The following NTRK2 variants were observed in gnomAD, a reference collection of about 807,000 sequenced individuals.
The protein encoded by NTRK2 is BDNF/NT-3 growth factors receptor.
A neutral mutation model predicts 94.5 loss-of-function variants in NTRK2; 13 were observed. That is an observed-to-expected ratio of 0.14 (90% CI 0.09 to 0.22). NTRK2 has a LOEUF of 0.22. Ranked by LOEUF, NTRK2 falls within the 10% of genes least tolerant of loss-of-function variation. The pLI is 1.00. For missense variants in NTRK2, 639 were observed against 1,071.2 expected (o/e 0.60, Z 5.63); for synonymous variants, 372 against 407.4 (o/e 0.91, Z 1.05).
intron 12 of NTRK2, among the ~76,000 whole-genome samples, chr9:84,793,429 T>C (rs764965961): frequency 1.4e-4 from 21 of 152,276 alleles, no homozygotes; most frequent in Admixed American, 6.5e-4. Flanking sequence ...AGCACTACTA[T>C]GTCTGCACTG....
At chr9:84,695,140 G>A (rs117104508) in intron 2 of NTRK2, among the ~76,000 whole-genome samples, 5,498 of 151,924 alleles carry the variant, frequency 0.036, 134 homozygotes, top group Non-Finnish European at 0.057. Flanking sequence ...TATAAGGAGG[G>A]AGGATGGGGT....
intron 14 of NTRK2, chr9:84,875,478 C>G: frequency 9.4e-7 from 1 of 1,063,054 alleles, no homozygotes; most frequent in Non-Finnish European, 1.1e-6. Flanking sequence ...CTCCAGATAA[C>G]TCCAAATGCA....
chr9:84,890,993 C>T (rs1346744573), intron 14 of NTRK2, among the ~76,000 whole-genome samples: 1 of 152,224 alleles, frequency 6.6e-6, no homozygotes, highest in East Asian at 1.9e-4. Context: ...TGACAAACCA[C>T]CCCACCATTA....
chr9:84,867,420 A>T lies in NTRK2; in HGVS notation c.1622A>T (p.Lys541Met), dbSNP rs2132061109. 1.2e-6 allele frequency: 2 copies of T among 1,613,630 alleles called. No homozygotes were observed. The highest frequency in any genetic ancestry group is 1.7e-6 in the Non-Finnish European group (2 of 1,179,528). Residue 541 changes from lysine to methionine, a missense_variant, in exon 14 of 19, where the codon AAG becomes ATG. Lys to Met is a moderately conservative substitution (Grantham distance 95). Coordinates refer to ENST00000277120, the MANE Select transcript of NTRK2 (RefSeq NM_006180.6). ...TTTGGCATCACCAACAGTCAGCTCA[A>T]GCCAGACACATGTAAGTACAGCTGT... ...QYFGITNSQLKPDTFVQHIKR... is the reference protein window; with the variant it reads ...QYFGITNSQLMPDTFVQHIKR...
chr9:84,811,594 G>A (rs888228336), intron 12 of NTRK2: 1 of 1,065,390 alleles, frequency 9.4e-7, no homozygotes, highest in African/African-American at 1.6e-5. Context: ...CTGGCCTGCT[G>A]TGAGCAGGAG....
In NTRK2 at chr9:84,727,884, A is replaced by G. The variant is rs761378488; in HGVS notation, c.1084A>G (p.Ile362Val). Residue 362 changes from isoleucine (I) to valine (V), a missense_variant, in exon 9 of 19, where the codon ATA becomes GTA. This residue lies in a region of NTRK2 where 343 missense variants were observed against 571.5 expected (regional missense o/e 0.60). Coordinates refer to ENST00000277120, the MANE Select transcript of NTRK2 (RefSeq NM_006180.6). The stretch of plus-strand genomic sequence containing the variant: ...CATGAACAATGGGGACTACACTCTA[A>G]TAGCCAAGAATGAGTATGGGAAGGA... ...THMNNGDYTL[I>V]AKNEYGKDEK... 1.2e-6 allele frequency: 2 copies of G among 1,614,186 alleles called. No homozygotes were observed. Among genetic ancestry groups the G allele is most frequent in the Admixed American group, 1.7e-5 (1 of 60,028 alleles).
chr9:84,757,249 C>A (rs1353483635), intron 12 of NTRK2, among the ~76,000 whole-genome samples: 2 of 151,996 alleles, frequency 1.3e-5, no homozygotes, highest in Non-Finnish European at 2.9e-5. Flanking sequence ...TTAGAAATAC[C>A]TAAACATAAA....
At chr9:84,792,851 T>C (rs146056297) in intron 12 of NTRK2, among the ~76,000 whole-genome samples, 2,836 of 152,292 alleles carry the variant, frequency 0.019, 40 homozygotes, top group Middle Eastern at 0.034. Context: ...GGACCTCAAT[T>C]TTCTCTAGTC....
chr9:84,779,033 G>A (rs1489770474), intron 12 of NTRK2, among the ~76,000 whole-genome samples: 1 of 152,126 alleles, frequency 6.6e-6, no homozygotes, highest in Non-Finnish European at 1.5e-5. Context: ...ATGCAGATTT[G>A]AGTGCCTCCT....
intron 12 of NTRK2, chr9:84,811,127 A>G: frequency 1.9e-6 from 2 of 1,067,126 alleles, no homozygotes; most frequent in Non-Finnish European, 2.3e-6. Flanking sequence ...CACAGTGACT[A>G]AAAGAGTTAA....
intron 17 of NTRK2, among the ~76,000 whole-genome samples, chr9:84,960,049 C>T (rs1350491022): frequency 6.6e-6 from 1 of 152,106 alleles, no homozygotes; most frequent in Non-Finnish European, 1.5e-5. Flanking sequence ...AATTTATCTT[C>T]CACTTAAGAA....
chr9:84,697,330 G>T (rs904898919), intron 2 of NTRK2, among the ~76,000 whole-genome samples: 2 of 152,188 alleles, frequency 1.3e-5, no homozygotes, highest in Non-Finnish European at 2.9e-5. Context: ...AAGCCCCTGG[G>T]CCTAAGCTTT....
chr9:84,748,557 G>T (rs1372806605), intron 11 of NTRK2, among the ~76,000 whole-genome samples: 1 of 152,214 alleles, frequency 6.6e-6, no homozygotes, highest in Non-Finnish European at 1.5e-5. Context: ...TGAACGCAGG[G>T]ATCTAGGACT....
rs200996090 is a variant in NTRK2, at chr9:84,727,956, G to A, written c.1156G>A (p.Asp386Asn). The change falls in exon 9 of 19, where the codon GAT (aspartate) becomes AAT (asparagine). Residue 386 changes from aspartate to asparagine, a missense_variant. Asp to Asn is a conservative substitution (Grantham distance 23). This residue lies in a region of NTRK2 where 343 missense variants were observed against 571.5 expected (regional missense o/e 0.60). Transcript: ENST00000277120. Reference sequence around the variant, plus strand: ...CTTCATGGGCTGGCCTGGAATTGACGATGGTGAGTAACTGACACTTTTGTA... The same window carrying A: ...CTTCATGGGCTGGCCTGGAATTGACAATGGTGAGTAACTGACACTTTTGTA... The part of the protein sequence containing the change: ...AHFMGWPGID[D>N]GANPNYPDVI... 59 of 1,613,676 alleles carry A rather than the reference G, an allele frequency of 3.7e-5. 2 individuals carry two copies. The highest frequency in any genetic ancestry group is 2.1e-4 in the South Asian group (19 of 91,062).
In NTRK2 at chr9:84,731,499, G is replaced by T. The variant is rs76423850; in HGVS notation, c.1159+3540G>T. 2.3e-3 allele frequency among the ~76,000 whole-genome samples: 345 copies of T among 152,226 alleles called. 2 individuals are homozygous for T. The highest frequency in any genetic ancestry group is 7.5e-3 in the African/African-American group (311 of 41,542). On this transcript the variant is annotated intron_variant, in intron 9 of 18. Transcript: ENST00000277120. ...AAGATTTCCATGGGATGGTCATTTT[G>T]CTTAGGAACTTGTTTTTGAAAAGAG...
In NTRK2 at chr9:84,867,349, CATT is replaced by C; in HGVS notation, c.1555_1557del (p.Ile519del). 6.2e-7 allele frequency: 1 copy of C among 1,614,012 alleles called. No individual in the cohort carries two copies. The highest frequency in any genetic ancestry group is 8.5e-7 in the Non-Finnish European group (1 of 1,179,914). ...CTTCGGAAGGTGGCCCAGATGCTGT[CATT>C]ATTGGAATGACCAAGATCCCTGTCA... On this transcript the variant is annotated inframe_deletion, in exon 14 of 19. Coordinates refer to ENST00000277120, the MANE Select transcript of NTRK2 (RefSeq NM_006180.6).
At chr9:84,748,062 C>A (rs1173329687) in intron 11 of NTRK2, among the ~76,000 whole-genome samples, 1 of 152,166 alleles carries the variant, frequency 6.6e-6, no homozygotes, top group Non-Finnish European at 1.5e-5. Flanking sequence ...TCTGGTCCAA[C>A]AAGTGCTCTT....
chr9:84,795,937 A>G (rs141930960), intron 12 of NTRK2, among the ~76,000 whole-genome samples: 1 of 150,252 alleles, frequency 6.7e-6, no homozygotes, highest in East Asian at 2.0e-4. Context: ...TCACAATGTC[A>G]CTTCAAAGCT....
At chr9:84,955,575 T>C (rs1824006434) in intron 17 of NTRK2, 58 bp downstream of exon 17, 2 of 1,377,110 alleles carry the variant, frequency 1.5e-6, no homozygotes, top group East Asian at 4.7e-5. Flanking sequence ...GGACCCCTGC[T>C]GTATTTGTTT....
Sources: gnomAD v4.1 joint callset for allele counts (sites outside exome capture counted in the v4.1 genomes callset) on GRCh38, gnomAD v4.1.1 for gene constraint, gnomAD v4.1.1 regional missense constraint, MANE v1.5 for transcripts, NCBI Gene and HGNC (gene_info 2026-07-23, HGNC 2026-07-21) for gene names.